The following ZNF676 variants were observed in gnomAD, a reference collection of about 807,000 sequenced individuals.
The protein encoded by ZNF676 is zinc finger protein 676.
In ZNF676, 4 loss-of-function variants were observed where a neutral mutation model predicts 6.0. The ratio of observed to expected loss-of-function variants is 0.67; its 90% CI spans 0.33 to 1.53. The LOEUF is 1.53. Among genes scored for constraint, ZNF676 ranks in the 40% most tolerant of loss-of-function variants. The probability of loss-of-function intolerance (pLI) is 0.06; values close to 1 mark genes in which losing one functional copy is unlikely to be tolerated. For missense variants in ZNF676, 644 were observed against 679.7 expected, an observed-to-expected ratio of 0.95 and a Z score of 0.58; for synonymous variants, 198 against 223.1, an observed-to-expected ratio of 0.89 and a Z score of 1.00.
the ZNF676 span, among the ~76,000 whole-genome samples, chr19:22,238,933 C>G: frequency 3.9e-5 from 6 of 152,190 alleles, no homozygotes; most frequent in Non-Finnish European, 8.8e-5. Context: ...GTGAGTCTGC[C>G]TTTTCCAGCC....
the ZNF676 span, among the ~76,000 whole-genome samples, chr19:22,239,138 T>C: frequency 6.6e-6 from 1 of 151,906 alleles, no homozygotes; most frequent in Admixed American, 6.6e-5. Context: ...AATCCAGAAA[T>C]GAGTCAGCAT....
At chr19:22,216,036 T>G (rs1301348388), upstream of ZNF676, among the ~76,000 whole-genome samples, 1 of 152,266 alleles carries the variant, frequency 6.6e-6, no homozygotes, top group Non-Finnish European at 1.5e-5. Context: ...TTCTCTCTTT[T>G]TAAATGTATT....
At chr19:22,235,020 G>GAAAGA in the ZNF676 span, among the ~76,000 whole-genome samples, 2 of 56,666 alleles carry the variant, frequency 3.5e-5, no homozygotes, top group African/African-American at 7.5e-5. Context: ...AAGAAAGAAA[G>GAAAGA]AAAGAAAGAA....
intron 1 of ZNF676, among the ~76,000 whole-genome samples, chr19:22,211,341 T>TG (rs2024128020): frequency 6.6e-6 from 1 of 152,106 alleles, no homozygotes; most frequent in Non-Finnish European, 1.5e-5. Context: ...AGGAACTAAA[T>TG]GGGCCTTTAA....
intron 1 of ZNF676, among the ~76,000 whole-genome samples, chr19:22,210,503 C>T (rs1028850788): frequency 4.6e-5 from 7 of 152,148 alleles, no homozygotes; most frequent in South Asian, 2.1e-4. Context: ...AAATATACAA[C>T]CCCCAAAAAG....
chr19:22,185,234 G>A (rs1361250360), intron 2 of ZNF676, among the ~76,000 whole-genome samples: 1 of 152,180 alleles, frequency 6.6e-6, no homozygotes, highest in Non-Finnish European at 1.5e-5. Flanking sequence ...AGGGTCTGGA[G>A]TGGACCTCCA....
chr19:22,250,452 ACT>A, the ZNF676 span, among the ~76,000 whole-genome samples: 1 of 151,922 alleles, frequency 6.6e-6, no homozygotes, highest in African/African-American at 2.4e-5. Context: ...ATAAAGTCTC[ACT>A]CTGTTGCCCA....
At chr19:22,182,585 T>TAAAAAAAAAAAAAAAAAA (rs67699215) in intron 2 of ZNF676, among the ~76,000 whole-genome samples, 38 of 44,980 alleles carry the variant, frequency 8.4e-4, no homozygotes, top group African/African-American at 1.9e-3. Flanking sequence ...GTCAAAGTTC[T>TAAAAAAAAAAAAAAAAAA]AAAAAAAAAA....
At chr19:22,222,420 T>C in the ZNF676 span, among the ~76,000 whole-genome samples, 1 of 152,262 alleles carries the variant, frequency 6.6e-6, no homozygotes, top group African/African-American at 2.4e-5. Context: ...ATGTACTGTT[T>C]ATGTTTTTTT....
chr19:22,181,909 A>G (rs1390975898), intron 2 of ZNF676, among the ~76,000 whole-genome samples: 2 of 151,288 alleles, frequency 1.3e-5, no homozygotes, highest in African/African-American at 4.8e-5. Context: ...TCCCTTCAGA[A>G]GCAAATTGTC....
the ZNF676 span, among the ~76,000 whole-genome samples, chr19:22,237,810 C>T: frequency 2.0e-5 from 3 of 152,206 alleles, no homozygotes; most frequent in South Asian, 2.1e-4. Context: ...TCCTCCCATA[C>T]GTCCCCATTC....
At chr19:22,253,424 GTA>G in the ZNF676 span, among the ~76,000 whole-genome samples, 3 of 52,412 alleles carry the variant, frequency 5.7e-5, no homozygotes, top group African/African-American at 1.6e-4. Context: ...ATATGATAAT[GTA>G]TATATATATG....
At chr19:22,232,858 C>G in the ZNF676 span, among the ~76,000 whole-genome samples, 236 of 152,228 alleles carry the variant, frequency 1.6e-3, 3 homozygotes, top group African/African-American at 5.2e-3. Context: ...GATATCCATA[C>G]TGTTCAATGT....
At chr19:22,210,031 T>C (rs974639804) in intron 1 of ZNF676, among the ~76,000 whole-genome samples, 1 of 151,106 alleles carries the variant, frequency 6.6e-6, no homozygotes, top group Non-Finnish European at 1.5e-5. Context: ...CAAAAGGGGG[T>C]TTGTCATCAG....
upstream of ZNF676, chr19:22,215,780 T>G (rs538391583): frequency 1.1e-6 from 1 of 944,576 alleles, no homozygotes; most frequent in African/African-American, 2.1e-5. Flanking sequence ...ACCGACCACA[T>G]CCCGGAAGCC....
chr19:22,180,416 G>A lies in ZNF676; in HGVS notation c.1301C>T (p.Ser434Leu). The A allele has an allele frequency of 6.2e-7, 1 of 1,613,732 alleles. No homozygotes were observed. The highest frequency in any genetic ancestry group is 8.5e-7 in the Non-Finnish European group (1 of 1,179,866). The change falls in exon 3 of 3, where the codon TCA becomes TTA. Residue 434 changes from serine (S) to leucine (L), a missense_variant. By Grantham distance (145) the Ser-to-Leu change is moderately radical. Transcript: ENST00000397121. ...AATTCTCTTGTGTTCAGTAAGGCTT[G>A]AGGACCAGCTGAAGGCTTTGCCACA... ...EECGKAFSWS[S>L]SLTEHKRIHA...
chr19:22,230,531 TTC>T, the ZNF676 span, among the ~76,000 whole-genome samples: 4 of 152,000 alleles, frequency 2.6e-5, no homozygotes, highest in East Asian at 7.7e-4. Flanking sequence ...GCTGAAGAGT[TTC>T]TTTTATTGAA....
At chr19:22,211,191 A>ATCTT (rs1436084520) in intron 1 of ZNF676, among the ~76,000 whole-genome samples, 20 of 151,974 alleles carry the variant, frequency 1.3e-4, no homozygotes, top group Non-Finnish European at 2.9e-5. Flanking sequence ...AGACACTCCC[A>ATCTT]AACCCCTTCT....
At chr19:22,248,790 C>T in the ZNF676 span, among the ~76,000 whole-genome samples, 3 of 152,104 alleles carry the variant, frequency 2.0e-5, no homozygotes, top group Non-Finnish European at 2.9e-5. Context: ...AGTGCCATGG[C>T]GCATTCTTGG....
Sources: allele counts gnomAD v4.1 joint callset (sites outside exome capture counted in the v4.1 genomes callset), GRCh38; gene constraint gnomAD v4.1.1; transcripts MANE v1.5; gene names NCBI Gene and HGNC (gene_info 2026-07-23, HGNC 2026-07-21).